KSR2: variants seen among roughly 807,000 people sequenced by gnomAD.
KSR2 encodes kinase suppressor of ras 2.
A neutral mutation model predicts 107.8 loss-of-function variants in KSR2; 25 were observed. The ratio of observed to expected loss-of-function variants is 0.23; its 90% confidence interval spans 0.17 to 0.32. The LOEUF is 0.32. Among genes scored for constraint, KSR2 ranks in the 10% least tolerant of loss-of-function variants. The pLI is 1.00. For missense variants in KSR2, 887 were observed against 1,268.9 expected (o/e 0.70, Z 4.57); for synonymous variants, 480 against 507.0 (o/e 0.95, Z 0.71).
intron 4 of KSR2, among the ~76,000 whole-genome samples, chr12:117,750,446 G>A (rs941939873): frequency 2.0e-5 from 3 of 151,878 alleles, no homozygotes; most frequent in African/African-American, 7.3e-5. Context: ...AACATGAATT[G>A]GTGACAAATC....
At chr12:117,832,365 A>C (rs1407745964) in intron 3 of KSR2, among the ~76,000 whole-genome samples, 1 of 152,204 alleles carries the variant, frequency 6.6e-6, no homozygotes, top group African/African-American at 2.4e-5. Flanking sequence ...GCTACAAGGC[A>C]ATTTATTTCA....
intron 4 of KSR2, among the ~76,000 whole-genome samples, chr12:117,731,741 C>A (rs146876421): frequency 1.3e-5 from 2 of 151,914 alleles, no homozygotes; most frequent in Admixed American, 6.6e-5. Flanking sequence ...TTACCCCCAA[C>A]CCCGTGCTCT....
intron 4 of KSR2, among the ~76,000 whole-genome samples, chr12:117,668,312 GCT>G (rs901836608): frequency 6.6e-6 from 1 of 152,160 alleles, no homozygotes; most frequent in African/African-American, 2.4e-5. Flanking sequence ...CCCACCCACG[GCT>G]CTGTCTAGCT....
chr12:117,538,705 G>C (rs1455069087), intron 10 of KSR2, among the ~76,000 whole-genome samples: 2 of 152,218 alleles, frequency 1.3e-5, no homozygotes, highest in Non-Finnish European at 2.9e-5. Context: ...AATGTGGCTA[G>C]TGTAACCGAT....
At chr12:117,583,442 TG>T (rs1879811773) in intron 5 of KSR2, among the ~76,000 whole-genome samples, 3 of 150,040 alleles carry the variant, frequency 2.0e-5, no homozygotes, top group Admixed American at 2.0e-4. Context: ...GATGGATGGA[TG>T]GATGGATGGA....
At chr12:117,743,916 TC>T (rs1888310292) in intron 4 of KSR2, among the ~76,000 whole-genome samples, 1 of 152,130 alleles carries the variant, frequency 6.6e-6, no homozygotes, top group Non-Finnish European at 1.5e-5. Context: ...GCCTCCAGAT[TC>T]CAAGCCAAGA....
chr12:117,532,967 A>AG (rs1875767909), intron 10 of KSR2, among the ~76,000 whole-genome samples: 1 of 152,216 alleles, frequency 6.6e-6, no homozygotes, highest in Non-Finnish European at 1.5e-5. Flanking sequence ...AGAGTCTAGA[A>AG]GCTGATCCTC....
chr12:117,786,011 C>G (rs924781720), intron 3 of KSR2, among the ~76,000 whole-genome samples: 2 of 152,026 alleles, frequency 1.3e-5, no homozygotes, highest in Non-Finnish European at 2.9e-5. Flanking sequence ...AAAACCACGC[C>G]TAGGCACATC....
chr12:117,820,525 C>G (rs1173928314), intron 3 of KSR2, among the ~76,000 whole-genome samples: 1 of 152,120 alleles, frequency 6.6e-6, no homozygotes, highest in African/African-American at 2.4e-5. Flanking sequence ...TAAATCAGAT[C>G]GTTGTCTTGC....
chr12:117,751,157 T>A, intron 4 of KSR2, among the ~76,000 whole-genome samples: 1 of 152,174 alleles, frequency 6.6e-6, no homozygotes, highest in Admixed American at 6.5e-5. Context: ...GATGGTTTTA[T>A]AAAGGGCTTT....
chr12:117,866,142 T>C (rs918087666), intron 1 of KSR2, among the ~76,000 whole-genome samples: 1 of 149,898 alleles, frequency 6.7e-6, no homozygotes, highest in Non-Finnish European at 1.5e-5. Context: ...GCTCAAGCCA[T>C]CCTCCCACCT....
Position 117,582,334 on chromosome 12 carries a change from G to A in KSR2, c.1197C>T (p.Ser399=). ...SANTLSVPRW[S]PQIPRRDLGN... is the part of the protein sequence containing the mutation. ...CGAGATCTCTGCGAGGGATCTGCGG[G>A]GACCAGCGTGGCACTGACAGTGTGT... is the stretch of plus-strand genomic sequence containing the variant. The change falls in exon 6 of 20, where the codon TCC becomes TCT. Residue 399 remains serine (S), a synonymous_variant. Transcript: ENST00000339824. The A allele has an allele frequency of 2.5e-6, 4 of 1,613,802 alleles. No homozygotes were observed. Among genetic ancestry groups the A allele is most frequent in the Non-Finnish European group, 3.4e-6 (4 of 1,179,824 alleles).
chr12:117,513,949 C>A (rs1356561768), intron 14 of KSR2, among the ~76,000 whole-genome samples: 1 of 152,196 alleles, frequency 6.6e-6, no homozygotes, highest in Non-Finnish European at 1.5e-5. Flanking sequence ...AAATGGATTG[C>A]ATGGTACCTA....
At chr12:117,955,811 T>G (rs928809837) in intron 1 of KSR2, among the ~76,000 whole-genome samples, 1 of 150,464 alleles carries the variant, frequency 6.6e-6, no homozygotes, top group African/African-American at 2.4e-5. Context: ...CAATATACAG[T>G]GAGCCACCTT....
intron 5 of KSR2, among the ~76,000 whole-genome samples, chr12:117,596,038 C>G (rs1305927434): frequency 6.6e-6 from 1 of 151,954 alleles, no homozygotes; most frequent in Non-Finnish European, 1.5e-5. Context: ...CCCTCCCTCC[C>G]TTCCTTTTTC....
At chr12:117,917,937 C>G (rs1895231236) in intron 1 of KSR2, among the ~76,000 whole-genome samples, 1 of 152,172 alleles carries the variant, frequency 6.6e-6, no homozygotes, top group Non-Finnish European at 1.5e-5. Flanking sequence ...GAAAAAGAAG[C>G]AGAAGATCCA....
At chr12:117,524,464 G>A (rs1193732113) in intron 14 of KSR2, among the ~76,000 whole-genome samples, 3 of 152,072 alleles carry the variant, frequency 2.0e-5, no homozygotes, top group Non-Finnish European at 2.9e-5. Flanking sequence ...CCAGGAGTTT[G>A]AGACCATCCT....
Position 117,533,252 on chromosome 12 carries a change from G to C in KSR2, c.1688-1545C>G, listed in dbSNP as rs140289401. ...TGAAATCTTCTGCTTTGGGGAAGCA[G>C]ACGGAACACTCTCCCTGAGGTTGAA... On this transcript the variant is annotated intron_variant, in intron 10 of 19. Transcript: ENST00000339824. Among the ~76,000 whole-genome samples, 17 of 152,328 alleles carry C rather than the reference G, an allele frequency of 1.1e-4. No homozygotes were observed. In the East Asian group the frequency reaches 3.1e-3, roughly 28 times the overall value.
At chr12:117,468,632 CAG>C (rs1408379812) in intron 19 of KSR2, among the ~76,000 whole-genome samples, 1 of 152,198 alleles carries the variant, frequency 6.6e-6, no homozygotes, top group Non-Finnish European at 1.5e-5. Flanking sequence ...ACCACGCACA[CAG>C]GTGGGAGTAT....
Sources: gnomAD v4.1 joint callset for allele counts (sites outside exome capture counted in the v4.1 genomes callset) on GRCh38, gnomAD v4.1.1 for gene constraint, MANE v1.5 for transcripts, NCBI Gene and HGNC (gene_info 2026-07-23, HGNC 2026-07-21) for gene names.